Variants in RABGAP1L observed in about 807,000 individuals in gnomAD.
The protein encoded by RABGAP1L is RAB GTPase activating protein 1 like.
RABGAP1L carries 63 observed loss-of-function variants against 137.7 expected under a neutral mutation model. The ratio of observed to expected loss-of-function variants is 0.46; its 90% CI spans 0.37 to 0.56. The LOEUF (loss-of-function observed/expected upper bound fraction) is 0.56, where lower values mean the gene tolerates loss of function less well. RABGAP1L is among the 20% of genes least tolerant of loss of function. The probability of loss-of-function intolerance (pLI) is 0.00; values close to 1 mark genes in which losing one functional copy is unlikely to be tolerated. For missense variants in RABGAP1L, 1,095 were observed against 1,244.0 expected (o/e 0.88, Z 1.80); for synonymous variants, 431 against 433.7 (o/e 0.99, Z 0.08).
chr1:174,622,540 T>G (rs1672599174), intron 13 of RABGAP1L, among the ~76,000 whole-genome samples: 1 of 152,224 alleles, frequency 6.6e-6, no homozygotes, highest in African/African-American at 2.4e-5. Context: ...TATGATGAGT[T>G]CATGTCCTTT....
rs534268286 is a variant in RABGAP1L, at chr1:174,281,191, C to T, written c.1323+2412C>T. Among the ~76,000 whole-genome samples, 194 of 152,252 alleles carry T rather than the reference C, an allele frequency of 1.3e-3. 1 individual carries two copies. The highest frequency in any genetic ancestry group is 4.4e-3 in the African/African-American group (184 of 41,546). On this transcript the variant is annotated intron_variant, in intron 10 of 25. Transcript: ENST00000681986. Reference sequence around the variant, plus strand: ...AGCTTCCACAGAGTGGAAGAGGACCCGAGCGGGTTGCTGCTGCTGGCTTAG... The same window carrying T: ...AGCTTCCACAGAGTGGAAGAGGACCTGAGCGGGTTGCTGCTGCTGGCTTAG...
intron 11 of RABGAP1L, among the ~76,000 whole-genome samples, chr1:174,339,533 T>G (rs1241343393): frequency 6.6e-6 from 1 of 152,224 alleles, no homozygotes; most frequent in African/African-American, 2.4e-5. Context: ...TAAGAATATT[T>G]TTTTATATTG....
intron 13 of RABGAP1L, among the ~76,000 whole-genome samples, chr1:174,575,953 A>T (rs1668343466): frequency 6.6e-6 from 1 of 152,200 alleles, no homozygotes; most frequent in Non-Finnish European, 1.5e-5. Flanking sequence ...ATAAGGTGAG[A>T]TGGTCACGTG....
chr1:174,430,041 A>G (rs958658358), intron 13 of RABGAP1L, among the ~76,000 whole-genome samples: 1 of 152,190 alleles, frequency 6.6e-6, no homozygotes, highest in African/African-American at 2.4e-5. Context: ...GTATTTCCCA[A>G]TAAGGCATCT....
intron 13 of RABGAP1L, among the ~76,000 whole-genome samples, chr1:174,585,166 T>C (rs1208467761): frequency 6.6e-6 from 1 of 152,230 alleles, no homozygotes; most frequent in East Asian, 1.9e-4. Context: ...TTTTACTTTT[T>C]AAAATGTGGC....
intron 13 of RABGAP1L, among the ~76,000 whole-genome samples, chr1:174,432,059 C>T (rs1652698652): frequency 6.6e-6 from 1 of 152,146 alleles, no homozygotes; most frequent in African/African-American, 2.4e-5. Flanking sequence ...TTGATCCCTT[C>T]ACCCAGGTAG....
chr1:174,527,291 C>T (rs1663972906), intron 13 of RABGAP1L, among the ~76,000 whole-genome samples: 1 of 149,334 alleles, frequency 6.7e-6, no homozygotes, highest in South Asian at 2.1e-4. Flanking sequence ...TCAACCTTTG[C>T]CTCCCTGATT....
intron 13 of RABGAP1L, among the ~76,000 whole-genome samples, chr1:174,502,983 A>T (rs1285338437): frequency 1.3e-5 from 2 of 152,072 alleles, no homozygotes; most frequent in African/African-American, 4.8e-5. Context: ...AGTAGAAGAG[A>T]GTGTGTGTAT....
chr1:174,689,438 A>C (rs1396144801), intron 15 of RABGAP1L, among the ~76,000 whole-genome samples: 1 of 152,100 alleles, frequency 6.6e-6, no homozygotes. Context: ...TGGGAAATCT[A>C]GGGTCAGAGA....
chr1:174,423,081 A>G (rs142798641), intron 13 of RABGAP1L, among the ~76,000 whole-genome samples: 28 of 152,130 alleles, frequency 1.8e-4, no homozygotes, highest in African/African-American at 6.5e-4. Context: ...TAGCCATCTG[A>G]TATAAGCAGT....
chr1:174,421,730 C>T (rs1350813221), intron 13 of RABGAP1L, among the ~76,000 whole-genome samples: 1 of 152,166 alleles, frequency 6.6e-6, no homozygotes, highest in Non-Finnish European at 1.5e-5. Flanking sequence ...TTCATACTGC[C>T]TGATGAAAGT....
chr1:174,940,386 A>C (rs1665666405), intron 19 of RABGAP1L, among the ~76,000 whole-genome samples: 1 of 151,620 alleles, frequency 6.6e-6, no homozygotes, highest in South Asian at 2.1e-4. Context: ...CTTCTGCCTC[A>C]GCCTCTGGAG....
intron 14 of RABGAP1L, among the ~76,000 whole-genome samples, chr1:174,646,406 G>T (rs970199816): frequency 6.6e-6 from 1 of 151,964 alleles, no homozygotes; most frequent in Non-Finnish European, 1.5e-5. Flanking sequence ...TAAGTAAGGG[G>T]TCTAGTTTCA....
At chr1:174,205,901 T>G (rs1668475108) in intron 1 of RABGAP1L, among the ~76,000 whole-genome samples, 1 of 152,186 alleles carries the variant, frequency 6.6e-6, no homozygotes, top group Non-Finnish European at 1.5e-5. Flanking sequence ...AAGGAATATT[T>G]TAGGGAAATA....
intron 13 of RABGAP1L, among the ~76,000 whole-genome samples, chr1:174,520,167 T>C (rs1465713501): frequency 1.3e-5 from 2 of 152,242 alleles, no homozygotes; most frequent in African/African-American, 4.8e-5. Context: ...TGTTTTCATT[T>C]ATTAAAGGGA....
chr1:174,629,429 T>C (rs917766368), intron 13 of RABGAP1L, among the ~76,000 whole-genome samples: 12 of 152,368 alleles, frequency 7.9e-5, no homozygotes, highest in Middle Eastern at 3.4e-3. Flanking sequence ...AGTGAAGTTC[T>C]AGAAATTATT....
At chr1:174,222,346 C>CA in intron 3 of RABGAP1L, among the ~76,000 whole-genome samples, 1 of 152,224 alleles carries the variant, frequency 6.6e-6, no homozygotes, top group East Asian at 1.9e-4. Flanking sequence ...AACCTTGGTA[C>CA]AGGGTAAGTA....
intron 18 of RABGAP1L, among the ~76,000 whole-genome samples, chr1:174,791,494 A>G (rs769381586): frequency 3.9e-4 from 60 of 152,200 alleles, no homozygotes; most frequent in Non-Finnish European, 6.6e-4. Flanking sequence ...CAATACACAC[A>G]CATAAAGATA....
At chr1:174,248,566 A>G (rs1053959809) in intron 5 of RABGAP1L, among the ~76,000 whole-genome samples, 8 of 152,202 alleles carry the variant, frequency 5.3e-5, no homozygotes, top group African/African-American at 1.9e-4. Flanking sequence ...GTTAAAAGTT[A>G]AAACTGTTAA....
Sources: gnomAD v4.1 joint callset for allele counts (sites outside exome capture counted in the v4.1 genomes callset) on GRCh38, gnomAD v4.1.1 for gene constraint, MANE v1.5 for transcripts, NCBI Gene and HGNC (gene_info 2026-07-23, HGNC 2026-07-21) for gene names.